The following ZNF354B variants were observed in gnomAD, a reference collection of about 807,000 sequenced individuals.
The protein encoded by ZNF354B is zinc finger protein 354B.
Under a neutral mutation model 12.9 loss-of-function variants are expected in ZNF354B, and 10 were observed. The ratio of observed to expected loss-of-function variants is 0.77; its 90% CI spans 0.48 to 1.31. ZNF354B has a LOEUF of 1.31. Among genes scored for constraint, ZNF354B ranks in the 40% most tolerant of loss-of-function variants. The pLI is 0.00. For synonymous variants in ZNF354B, 260 were observed against 243.7 expected, an observed-to-expected ratio of 1.07 and a Z score of -0.62; for missense variants, 614 against 711.7, an observed-to-expected ratio of 0.86 and a Z score of 1.56.
chr5:178,883,549 G>A lies in ZNF354B; in HGVS notation c.1097G>A (p.Ser366Asn), dbSNP rs747420666. The change falls in exon 5 of 5, where the codon AGC (serine) becomes AAC (asparagine). Residue 366 changes from serine to asparagine, a missense_variant. Ser to Asn is a conservative substitution (Grantham distance 46). Coordinates refer to ENST00000322434, the MANE Select transcript of ZNF354B (RefSeq NM_058230.3). ...GAATGTGGCAACACCTTTAAGTCTA[G>A]CTCATCCCTTCGTTATCATCAGAGA... ...CNECGNTFKS[S>N]SSLRYHQRIH... 2 of 1,613,968 alleles carry A rather than the reference G, an allele frequency of 1.2e-6. No homozygotes were observed. Among genetic ancestry groups the A allele is most frequent in the Admixed American group, 1.7e-5 (1 of 60,012 alleles).
At chr5:178,869,088 G>C (rs1296609611) in intron 4 of ZNF354B, among the ~76,000 whole-genome samples, 3 of 152,244 alleles carry the variant, frequency 2.0e-5, no homozygotes, top group African/African-American at 7.2e-5. Flanking sequence ...TTTGGTTGGT[G>C]CTTGAGAGCT....
intron 2 of ZNF354B, among the ~76,000 whole-genome samples, chr5:178,863,959 G>C (rs1168173987): frequency 6.6e-6 from 1 of 152,216 alleles, no homozygotes; most frequent in Non-Finnish European, 1.5e-5. Context: ...GCTAGACAAT[G>C]TGTTTAAGAT....
At chr5:178,876,790 A>G (rs1261084011) in intron 4 of ZNF354B, among the ~76,000 whole-genome samples, 1 of 151,144 alleles carries the variant, frequency 6.6e-6, no homozygotes, top group African/African-American at 2.4e-5. Context: ...TTCATGAGTC[A>G]TTCATATTTC....
Position 178,883,298 on chromosome 5 carries a change from T to G in ZNF354B, c.846T>G (p.Ser282Arg), listed in dbSNP as rs978011200. 3 of 1,614,014 alleles carry G rather than the reference T, an allele frequency of 1.9e-6. No individual in the cohort carries two copies. The highest frequency in any genetic ancestry group is 2.5e-6 in the Non-Finnish European group (3 of 1,179,944). ...CKECGKAFSH[S>R]ASLCKHLRTH... is the part of the protein sequence containing the mutation. ...AATGTGGGAAAGCCTTCAGCCATAG[T>G]GCATCCCTTTGTAAGCATTTAAGGA... Residue 282 changes from serine (S) to arginine (R), a missense_variant, in exon 5 of 5, where the codon AGT becomes AGG. Transcript: ENST00000322434.
chr5:178,866,092 A>T, intron 2 of ZNF354B, 152 bp from the exon 3 acceptor site: 1 of 1,129,654 alleles, frequency 8.9e-7, no homozygotes, highest in Non-Finnish European at 1.2e-6. Context: ...TACATTTGTT[A>T]CTGGCCAATT....
Position 178,884,573 on chromosome 5 carries a change from GAA to G in ZNF354B, c.*285_*286del, listed in dbSNP as rs531084787. The G allele has an allele frequency of 3.6e-3, 898 of 252,008 alleles. 10 individuals carry two copies. Among genetic ancestry groups the G allele is most frequent in the African/African-American group, 0.018 (831 of 44,998 alleles). 15.6% of individuals were successfully genotyped at this position (252,008 alleles called of 1,614,324 possible). ...TATGCTATCTATGACATGCAAAAAA[GAA>G]AAGTCTGGGTGCTGAGGTGCTGAAT... On this transcript the variant is annotated 3_prime_UTR_variant, in exon 5 of 5. Transcript: ENST00000322434.
Position 178,867,007 on chromosome 5 carries a change from C to G in ZNF354B, c.192C>G (p.Ser64=), listed in dbSNP as rs1254874839. 2 of 1,613,966 alleles carry G rather than the reference C, an allele frequency of 1.2e-6. No individual in the cohort carries two copies. Among genetic ancestry groups the G allele is most frequent in the Non-Finnish European group, 8.5e-7 (1 of 1,179,954 alleles). Residue 64 remains serine (S), a synonymous_variant, in exon 4 of 5, where the codon TCC becomes TCG. Coordinates refer to ENST00000322434, the MANE Select transcript of ZNF354B (RefSeq NM_058230.3). ...CATTTACCAAACCAAAAGTCATCTC[C>G]CTGTTGCAGCAAGGAGAAGATCCCT... is the stretch of plus-strand genomic sequence containing the variant. The part of the protein sequence containing the change: ...GLSFTKPKVI[S]LLQQGEDPWE...
Position 178,884,171 on chromosome 5 carries a change from T to C in ZNF354B, c.1719T>C (p.Thr573=), listed in dbSNP as rs751645649. 6.2e-7 allele frequency: 1 copy of C among 1,614,084 alleles called. No homozygotes were observed. Among genetic ancestry groups the C allele is most frequent in the East Asian group, 2.2e-5 (1 of 44,866 alleles). The change falls in exon 5 of 5, where the codon ACT becomes ACC. Residue 573 remains threonine (T), a synonymous_variant. Coordinates refer to ENST00000322434, the MANE Select transcript of ZNF354B (RefSeq NM_058230.3). The part of the protein sequence containing the change: ...SSLIAHQRIH[T]GEKPYECNAC... ...TTATTGCACATCAAAGAATTCATAC[T>C]GGAGAGAAACCCTATGAATGTAATG...
In ZNF354B at chr5:178,876,090, C is replaced by G. The variant is rs181485978; in HGVS notation, c.257-6619C>G. Among the ~76,000 whole-genome samples the G allele has an allele frequency of 3.9e-5, 6 of 152,274 alleles. No homozygotes were observed. In the East Asian group the frequency reaches 1.2e-3, roughly 29 times the overall value. On this transcript the variant is annotated intron_variant, in intron 4 of 4. Coordinates refer to ENST00000322434, the MANE Select transcript of ZNF354B (RefSeq NM_058230.3). Reference sequence around the variant, plus strand: ...CCGGGCCCTGTGTTCCTTCCCAACCCAAGGGTGGATAGTGTGGTACCATTT... The same window carrying G: ...CCGGGCCCTGTGTTCCTTCCCAACCGAAGGGTGGATAGTGTGGTACCATTT...
Position 178,882,829 on chromosome 5 carries a change from T to A in ZNF354B, c.377T>A (p.Ile126Lys). The A allele has an allele frequency of 6.2e-7, 1 of 1,606,728 alleles. No individual in the cohort carries two copies. The highest frequency in any genetic ancestry group is 8.5e-7 in the Non-Finnish European group (1 of 1,178,412). The change falls in exon 5 of 5, where the codon ATA becomes AAA. Residue 126 changes from isoleucine to lysine, a missense_variant. Transcript: ENST00000322434. Reference sequence around the variant, plus strand: ...AACTTCATATCAGAAAGATCCTGCATATATGAAGAGAAATTAAAGAAACAG... The same window carrying A: ...AACTTCATATCAGAAAGATCCTGCAAATATGAAGAGAAATTAAAGAAACAG... ...PWNFISERSC[I>K]YEEKLKKQQD... is the part of the protein sequence containing the mutation.
intron 4 of ZNF354B, among the ~76,000 whole-genome samples, 157 bp from the exon 5 acceptor site, chr5:178,882,552 G>C (rs1214361968): frequency 6.6e-6 from 1 of 152,148 alleles, no homozygotes; most frequent in African/African-American, 2.4e-5. Flanking sequence ...TATCAGTTCA[G>C]CTGTCATCCA....
chr5:178,877,293 C>T (rs953063047), intron 4 of ZNF354B, among the ~76,000 whole-genome samples: 7 of 152,138 alleles, frequency 4.6e-5, no homozygotes, highest in South Asian at 2.1e-4. Flanking sequence ...CCTCAGCCTC[C>T]TGAGTAGCTG....
At chr5:178,866,815 T>C (rs962573497) in intron 3 of ZNF354B, among the ~76,000 whole-genome samples, 161 bp from the exon 4 acceptor site, 1 of 152,240 alleles carries the variant, frequency 6.6e-6, no homozygotes, top group Non-Finnish European at 1.5e-5. Context: ...AAAAAGTTAC[T>C]TGATAGATCA....
rs201554637 is a variant in ZNF354B, at chr5:178,883,267, G to A, written c.815G>A (p.Cys272Tyr). 2 of 1,613,242 alleles carry A rather than the reference G, an allele frequency of 1.2e-6. No homozygotes were observed. Among genetic ancestry groups the A allele is most frequent in the African/African-American group, 1.3e-5 (1 of 74,938 alleles). The change falls in exon 5 of 5, where the codon TGT becomes TAT. Residue 272 changes from cysteine (C) to tyrosine (Y), a missense_variant. By Grantham distance (194) the Cys-to-Tyr change is radical (BLOSUM62 -2). Coordinates refer to ENST00000322434, the MANE Select transcript of ZNF354B (RefSeq NM_058230.3). ...RTHTGEKPYICKECGKAFSHS... is the reference protein window; with the variant it reads ...RTHTGEKPYIYKECGKAFSHS... ...CATACAGGAGAGAAACCCTATATAT[G>A]TAAAGAATGTGGGAAAGCCTTCAGC...
intron 4 of ZNF354B, among the ~76,000 whole-genome samples, chr5:178,878,111 T>C (rs11948664): frequency 0.15 from 22,570 of 152,106 alleles, 2,053 homozygotes; most frequent in African/African-American, 0.25. Context: ...AGGCCGGGCG[T>C]GGTGGCTCAC....
At chr5:178,862,440 C>T (rs973978500) in intron 2 of ZNF354B, among the ~76,000 whole-genome samples, 53 of 148,102 alleles carry the variant, frequency 3.6e-4, no homozygotes, top group Non-Finnish European at 7.4e-5. Flanking sequence ...GATCTCGGCT[C>T]ACTGCAACCT....
chr5:178,877,320 C>T (rs1170049578), intron 4 of ZNF354B, among the ~76,000 whole-genome samples: 5 of 152,086 alleles, frequency 3.3e-5, no homozygotes, highest in Non-Finnish European at 5.9e-5. Context: ...CAGGCACCCA[C>T]CACCACACCT....
Position 178,884,620 on chromosome 5 carries a change from T to G in ZNF354B, c.*329T>G. 1 of 184,472 alleles carries G rather than the reference T, an allele frequency of 5.4e-6. No individual in the cohort carries two copies. The highest frequency in any genetic ancestry group is 1.1e-5 in the Non-Finnish European group (1 of 89,718). 11.4% of individuals were successfully genotyped at this position (184,472 alleles called of 1,614,324 possible). ...CTGAATTTTTCATTAGAAAAACATT[T>G]GTATAAACTACTATTATATAAATAT... On this transcript the variant is annotated 3_prime_UTR_variant, in exon 5 of 5. Coordinates refer to ENST00000322434, the MANE Select transcript of ZNF354B (RefSeq NM_058230.3).
chr5:178,864,724 G>A (rs1757419220), intron 2 of ZNF354B, among the ~76,000 whole-genome samples: 1 of 151,752 alleles, frequency 6.6e-6, no homozygotes, highest in Non-Finnish European at 1.5e-5. Flanking sequence ...CTGGGTTCAA[G>A]CAATTCTCCT....
Sources: allele counts gnomAD v4.1 joint callset (sites outside exome capture counted in the v4.1 genomes callset), GRCh38; gene constraint gnomAD v4.1.1; transcripts MANE v1.5; gene names NCBI Gene and HGNC (gene_info 2026-07-23, HGNC 2026-07-21).